TRDMT1: variants seen among roughly 807,000 people sequenced by gnomAD.
The protein encoded by TRDMT1 is tRNA (cytosine(38)-C(5))-methyltransferase.
A neutral mutation model predicts 51.2 loss-of-function variants in TRDMT1; 49 were observed. That is an observed-to-expected ratio of 0.96 (90% CI 0.76 to 1.21). The LOEUF is 1.21. TRDMT1 is among the 50% of genes most tolerant of loss of function. The pLI is 0.00. For synonymous variants in TRDMT1, 187 were observed against 164.6 expected (o/e 1.14, Z -1.04); for missense variants, 534 against 462.3 (o/e 1.16, Z -1.42).
rs565841726 is a variant in TRDMT1 at position 17,166,560 on chromosome 10, T to C, written c.251+2281A>G. 4.3e-4 allele frequency among the ~76,000 whole-genome samples: 65 copies of C among 152,286 alleles called. No individual in the cohort carries two copies. In the South Asian group the frequency reaches 0.013, roughly 32 times the overall value. On this transcript the variant is annotated intron_variant, in intron 3 of 10. Coordinates refer to ENST00000377799, the MANE Select transcript of TRDMT1 (RefSeq NM_004412.7). ...TGCTATTTATCTTCAGAGTCTTAAA[T>C]AAGTTAGCTGGCATCATTGGTCAGT...
At chr10:17,194,125 CCCCTACCT>C (rs1403673629) in intron 1 of TRDMT1, among the ~76,000 whole-genome samples, 1 of 152,118 alleles carries the variant, frequency 6.6e-6, no homozygotes, top group Non-Finnish European at 1.5e-5. Flanking sequence ...TGAAACTAGA[CCCCTACCT>C]TTCACCATAT....
intron 1 of TRDMT1, among the ~76,000 whole-genome samples, 186 bp from the exon 2 acceptor site, chr10:17,174,846 C>G (rs895390388): frequency 1.3e-5 from 2 of 152,206 alleles, no homozygotes; most frequent in Non-Finnish European, 2.9e-5. Context: ...ACATGGACTT[C>G]TGGTTCATCT....
At chr10:17,158,765 T>G (rs1839902758) in intron 7 of TRDMT1, among the ~76,000 whole-genome samples, 1 of 152,174 alleles carries the variant, frequency 6.6e-6, no homozygotes, top group Admixed American at 6.5e-5. Flanking sequence ...TGTAAGCCAC[T>G]TTTAAGATAA....
Position 17,139,169 on chromosome 10 carries a change from G to A in TRDMT1, c.*9871C>T, listed in dbSNP as rs1837512143. The A allele has an allele frequency of 5.1e-6, 5 of 985,140 alleles. No homozygotes were observed. In the South Asian group the frequency reaches 1.9e-4, roughly 37 times the overall value. 61.0% of individuals were successfully genotyped at this position (985,140 alleles called of 1,614,324 possible). ...AGCAATGAAGCGGAGTTTACCATAG[G>A]TGAACCCTCCTGCCATCCTGTTCCA... is the stretch of plus-strand genomic sequence containing the variant. On this transcript the variant is annotated 3_prime_UTR_variant, in exon 11 of 11. Coordinates refer to ENST00000377799, the MANE Select transcript of TRDMT1 (RefSeq NM_004412.7).
At position 17,157,766 on chromosome 10, in the gene TRDMT1, T is replaced by C; in HGVS notation, c.562A>G (p.Lys188Glu). 1.3e-6 allele frequency: 2 copies of C among 1,595,806 alleles called. No homozygotes were observed. Among genetic ancestry groups the C allele is most frequent in the South Asian group, 1.1e-5 (1 of 88,456 alleles). ...APGQVLMEFP[K>E]IESVHPQKYA... Reference sequence around the variant, plus strand: ...TTTTGTGGATGTACAGATTCAATTTTGGGGAACTCCATCAGTACCTGGCAT... The same window carrying C: ...TTTTGTGGATGTACAGATTCAATTTCGGGGAACTCCATCAGTACCTGGCAT... Residue 188 changes from lysine (K) to glutamate (E), a missense_variant, in exon 8 of 11, where the codon AAA (lysine) becomes GAA (glutamate). By Grantham distance (56) the Lys-to-Glu change is moderately conservative (BLOSUM62 1). Transcript: ENST00000377799.
Position 17,147,049 on chromosome 10 carries a change from T to C in TRDMT1, c.*1991A>G, listed in dbSNP as rs989827097. 5 of 985,604 alleles carry C rather than the reference T, an allele frequency of 5.1e-6. No individual in the cohort carries two copies. The highest frequency in any genetic ancestry group is 1.2e-4 in the Admixed American group (2 of 16,262). The allele number at this position is 985,604 out of a possible 1,614,324, so 61.1% of individuals were successfully genotyped here. ...ATGTCTCTACAGACCTTTCAAGTATTTATAGTTGGTGCACAGTAACTCGAC... is the reference window on the plus strand; with the variant it reads ...ATGTCTCTACAGACCTTTCAAGTATCTATAGTTGGTGCACAGTAACTCGAC... On this transcript the variant is annotated 3_prime_UTR_variant, in exon 11 of 11. Coordinates refer to ENST00000377799, the MANE Select transcript of TRDMT1 (RefSeq NM_004412.7).
At chr10:17,160,615 C>T (rs1029040945) in intron 5 of TRDMT1, among the ~76,000 whole-genome samples, 1 of 152,024 alleles carries the variant, frequency 6.6e-6, no homozygotes, top group Non-Finnish European at 1.5e-5. Context: ...GGATTACAGG[C>T]ACCCACCACC....
In TRDMT1 at chr10:17,143,764, A is replaced by G. The variant is rs1837872924; in HGVS notation, c.*5276T>C. 3 of 985,422 alleles carry G rather than the reference A, an allele frequency of 3.0e-6. No homozygotes were observed. Among genetic ancestry groups the G allele is most frequent in the Non-Finnish European group, 3.6e-6 (3 of 829,920 alleles). The allele number at this position is 985,422 out of a possible 1,614,324, so 61.0% of individuals were successfully genotyped here. On this transcript the variant is annotated 3_prime_UTR_variant, in exon 11 of 11. Coordinates refer to ENST00000377799, the MANE Select transcript of TRDMT1 (RefSeq NM_004412.7). ...AGGCCATTTTAACAGAAGCTGACCA[A>G]TGGAATGCAGAGTGAGAAGGAAGGT...
intron 1 of TRDMT1, among the ~76,000 whole-genome samples, chr10:17,183,354 T>C (rs1843504741): frequency 6.6e-6 from 1 of 152,324 alleles, no homozygotes; most frequent in South Asian, 2.1e-4. Context: ...AATTCTTCTT[T>C]CTTTAAACTC....
rs142987943 is a variant in TRDMT1 at position 17,154,941 on chromosome 10, C to G, written c.888-207G>C. On this transcript the variant is annotated intron_variant, in intron 8 of 10. Coordinates refer to ENST00000377799, the MANE Select transcript of TRDMT1 (RefSeq NM_004412.7). ...TCATTTAAACGTCTCATCAATGGGC[C>G]GGGCACAGTGGCTAATGTCTATAAT... 1.6e-3 allele frequency among the ~76,000 whole-genome samples: 241 copies of G among 152,158 alleles called. 3 individuals are homozygous for G. Among genetic ancestry groups the G allele is most frequent in the African/African-American group, 5.5e-3 (227 of 41,500 alleles).
chr10:17,192,702 C>G (rs2131609218), intron 1 of TRDMT1, among the ~76,000 whole-genome samples: 1 of 152,288 alleles, frequency 6.6e-6, no homozygotes, highest in East Asian at 1.9e-4. Context: ...TTCTCAAAAC[C>G]TGATACATTT....
chr10:17,186,457 T>C (rs1326918822), intron 1 of TRDMT1, among the ~76,000 whole-genome samples: 2 of 152,140 alleles, frequency 1.3e-5, no homozygotes, highest in Non-Finnish European at 2.9e-5. Flanking sequence ...GATGCTACAC[T>C]TCTGGCTTCA....
intron 2 of TRDMT1, among the ~76,000 whole-genome samples, chr10:17,173,039 A>G (rs1188422210): frequency 6.6e-6 from 1 of 152,192 alleles, no homozygotes; most frequent in African/African-American, 2.4e-5. Flanking sequence ...AATAAATATT[A>G]TGACTAATTG....
intron 6 of TRDMT1, among the ~76,000 whole-genome samples, chr10:17,159,891 T>A (rs1482858671): frequency 6.6e-6 from 1 of 152,172 alleles, no homozygotes; most frequent in Admixed American, 6.5e-5. Context: ...AAGCAGTGTT[T>A]TCAACTTAAT....
At chr10:17,155,503 C>T (rs1588508599) in intron 8 of TRDMT1, among the ~76,000 whole-genome samples, 1 of 152,266 alleles carries the variant, frequency 6.6e-6, no homozygotes, top group East Asian at 1.9e-4. Context: ...TGCTCTCTAA[C>T]ACCACAGCAA....
Position 17,143,707 on chromosome 10 carries a change from A to C in TRDMT1, c.*5333T>G. On this transcript the variant is annotated 3_prime_UTR_variant, in exon 11 of 11. Transcript: ENST00000377799. ...GTGACTTTTTATAAGTTTTCCTAAA[A>C]ATAAATGATCGTTCAGAGGCCTGCC... 1.0e-6 allele frequency: 1 copy of C among 985,442 alleles called. No homozygotes were observed. The highest frequency in any genetic ancestry group is 1.2e-6 in the Non-Finnish European group (1 of 829,928). 61.0% of individuals were successfully genotyped at this position (985,442 alleles called of 1,614,324 possible). A position where few individuals can be genotyped will look rare whatever the true frequency, so the allele number is the denominator to read the frequency against.
In TRDMT1 at chr10:17,143,243, T is replaced by A; in HGVS notation, c.*5797A>T. 2 of 985,448 alleles carry A rather than the reference T, an allele frequency of 2.0e-6. No individual in the cohort carries two copies. Among genetic ancestry groups the A allele is most frequent in the South Asian group, 9.4e-5 (2 of 21,294 alleles). The allele number at this position is 985,448 out of a possible 1,614,324, so 61.0% of individuals were successfully genotyped here. ...TTCCTACATTCACTCATTCAACAAC[T>A]ATTTATTGAGTGCTTACTATGTGCC... On this transcript the variant is annotated 3_prime_UTR_variant, in exon 11 of 11. Coordinates refer to ENST00000377799, the MANE Select transcript of TRDMT1 (RefSeq NM_004412.7).
At chr10:17,199,903 ACT>A (rs747172124) in intron 1 of TRDMT1, among the ~76,000 whole-genome samples, 85 of 152,280 alleles carry the variant, frequency 5.6e-4, no homozygotes, top group Admixed American at 1.1e-3. Context: ...AAAATATTTT[ACT>A]CTTTCATTAA....
chr10:17,165,100 C>A (rs1387189856), intron 3 of TRDMT1, among the ~76,000 whole-genome samples: 3 of 152,164 alleles, frequency 2.0e-5, no homozygotes, highest in Admixed American at 6.5e-5. Context: ...GGAGGCATCA[C>A]GCTACCTGAC....
Sources: gnomAD v4.1 joint callset for allele counts (sites outside exome capture counted in the v4.1 genomes callset) on GRCh38, gnomAD v4.1.1 for gene constraint, MANE v1.5 for transcripts, NCBI Gene and HGNC (gene_info 2026-07-23, HGNC 2026-07-21) for gene names.